Variants in SNRNP35 observed in about 807,000 individuals in gnomAD.
The protein encoded by SNRNP35 is U11/U12 small nuclear ribonucleoprotein 35 kDa protein.
SNRNP35 carries 16 observed loss-of-function variants against 24.3 expected under a neutral mutation model. The ratio of observed to expected loss-of-function variants is 0.66; its 90% CI spans 0.45 to 1.00. The LOEUF (loss-of-function observed/expected upper bound fraction) is 1.00, where lower values mean the gene tolerates loss of function less well. Among genes scored for constraint, SNRNP35 ranks in the 50% least tolerant of loss-of-function variants. SNRNP35 has a pLI of 0.00. For missense variants in SNRNP35, 292 were observed against 327.2 expected, an observed-to-expected ratio of 0.89 and a Z score of 0.83; for synonymous variants, 106 against 124.8, an observed-to-expected ratio of 0.85 and a Z score of 1.00.
rs115147659 is a variant in SNRNP35, at chr12:123,465,375, C to T, written c.-3-163C>T. ...AACTGCCTGGCTTTGGTGCTGTCTC[C>T]CCCACTTACTAGCAGGGAGGACTTA... On this transcript the variant is annotated intron_variant, in intron 1 of 1. Coordinates refer to ENST00000526639, the MANE Select transcript of SNRNP35 (RefSeq NM_022717.4). This position sits in a 1 kb window ranked among gnomAD's most constrained non-coding sequence, Gnocchi z 4.2. 5.7e-3 allele frequency among the ~76,000 whole-genome samples: 863 copies of T among 152,274 alleles called. 9 individuals are homozygous for T. The highest frequency in any genetic ancestry group is 0.02 in the African/African-American group (830 of 41,550).
chr12:123,458,736 C>CA (rs999069848), intron 1 of SNRNP35, among the ~76,000 whole-genome samples: 9 of 151,426 alleles, frequency 5.9e-5, no homozygotes, highest in Admixed American at 2.0e-4. Context: ...GCTGAGACTA[C>CA]AGGCGCCCGC....
chr12:123,458,640 G>C (rs1880422883), intron 1 of SNRNP35, among the ~76,000 whole-genome samples: 1 of 150,422 alleles, frequency 6.6e-6, no homozygotes, highest in African/African-American at 2.5e-5. Flanking sequence ...CTGTCGCCCG[G>C]GCTGGAGTGC....
rs759503354 is a variant in SNRNP35 at position 123,466,328 on chromosome 12, G to A, written c.*47G>A. 6 of 1,494,990 alleles carry A rather than the reference G, an allele frequency of 4.0e-6. No individual in the cohort carries two copies. Among genetic ancestry groups the A allele is most frequent in the Non-Finnish European group, 5.3e-6 (6 of 1,121,868 alleles). The allele number at this position is 1,494,990 out of a possible 1,614,324, so 92.6% of individuals were successfully genotyped here. A position where few individuals can be genotyped will look rare whatever the true frequency, so the allele number is the denominator to read the frequency against. On this transcript the variant is annotated 3_prime_UTR_variant, in exon 2 of 2. Coordinates refer to ENST00000526639, the MANE Select transcript of SNRNP35 (RefSeq NM_022717.4). ...AAGTGAAGTTACAGTGGAAATGAGT[G>A]GAGGGGGATTGTCTTTCAACGCAGC...
intron 1 of SNRNP35, among the ~76,000 whole-genome samples, chr12:123,460,556 A>C (rs1880549804): frequency 7.4e-6 from 1 of 134,960 alleles, no homozygotes; most frequent in Admixed American, 9.0e-5. Context: ...GCTCATGCCC[A>C]GGAGTTCAAG....
intron 1 of SNRNP35, among the ~76,000 whole-genome samples, chr12:123,462,472 G>A (rs1199911060): frequency 6.6e-6 from 1 of 151,622 alleles, no homozygotes; most frequent in Non-Finnish European, 1.5e-5. Context: ...GATGGGACAT[G>A]GTGAGAGGCT....
chr12:123,466,428 C>A lies in SNRNP35; in HGVS notation c.*147C>A, dbSNP rs748024914. Reference sequence around the variant, plus strand: ...TAGTTTTCTTTCCAATCTGGAACTTCGGTTCAAGCTGATAGGAATTTATCA... The same window carrying A: ...TAGTTTTCTTTCCAATCTGGAACTTAGGTTCAAGCTGATAGGAATTTATCA... On this transcript the variant is annotated 3_prime_UTR_variant, in exon 2 of 2. Transcript: ENST00000526639. 8.8e-6 allele frequency: 7 copies of A among 793,832 alleles called. No individual in the cohort carries two copies. The East Asian group carries it at 1.6e-4, about 18-fold the overall frequency. 49.2% of individuals were successfully genotyped at this position (793,832 alleles called of 1,614,324 possible).
intron 1 of SNRNP35, among the ~76,000 whole-genome samples, chr12:123,464,240 G>GTTT (rs1173653190): frequency 5.6e-5 from 7 of 123,960 alleles, no homozygotes; most frequent in Non-Finnish European, 8.6e-5. Flanking sequence ...GCCAGCCAAG[G>GTTT]TTTTTTTTTT....
chr12:123,463,366 T>G (rs1382913120), intron 1 of SNRNP35, among the ~76,000 whole-genome samples: 3 of 150,604 alleles, frequency 2.0e-5, no homozygotes, highest in African/African-American at 7.3e-5. Flanking sequence ...CAGGTCAAGT[T>G]TTTTTTTTTT....
intron 1 of SNRNP35, 93 bp downstream of exon 1, chr12:123,458,309 C>T: frequency 1.2e-6 from 1 of 863,940 alleles, no homozygotes; most frequent in Non-Finnish European, 1.4e-6. Flanking sequence ...TTGTGTGGGG[C>T]GCCATGTTGA....
In SNRNP35 at chr12:123,459,867, C is replaced by A. The variant is rs192298050; in HGVS notation, c.-4+1651C>A. The A allele has an allele frequency of 4.8e-4, 767 of 1,596,058 alleles. 5 individuals carry two copies. The Middle Eastern group carries it at 0.015, about 32-fold the overall frequency. On this transcript the variant is annotated intron_variant, in intron 1 of 1. Transcript: ENST00000526639. ...TAATGCTGCCGGGGAGGAAGTGCAC[C>A]TAGAAAGATTAATGAGAAACAATGA...
In SNRNP35 at chr12:123,459,852, G is replaced by A. The variant is rs751867620; in HGVS notation, c.-4+1636G>A. On this transcript the variant is annotated intron_variant, in intron 1 of 1. Coordinates refer to ENST00000526639, the MANE Select transcript of SNRNP35 (RefSeq NM_022717.4). ...TAGGAAATCTCAACCTAATGCTGCCGGGGAGGAAGTGCACCTAGAAAGATT... is the reference window on the plus strand; with the variant it reads ...TAGGAAATCTCAACCTAATGCTGCCAGGGAGGAAGTGCACCTAGAAAGATT... 8 of 1,592,724 alleles carry A rather than the reference G, an allele frequency of 5.0e-6. No homozygotes were observed. In the Admixed American group the frequency reaches 8.9e-5, roughly 18 times the overall value.
chr12:123,462,970 G>T (rs1220901237), intron 1 of SNRNP35, among the ~76,000 whole-genome samples: 3 of 152,090 alleles, frequency 2.0e-5, no homozygotes, highest in South Asian at 4.1e-4. Flanking sequence ...TGAGTAAGAG[G>T]AAAAAAGTTA....
intron 1 of SNRNP35, among the ~76,000 whole-genome samples, chr12:123,462,090 GC>G (rs964006975): frequency 3.3e-5 from 5 of 152,144 alleles, no homozygotes; most frequent in Non-Finnish European, 4.4e-5. Flanking sequence ...AGGATCTGGA[GC>G]CACCAGACTG....
exon 2 of SNRNP35, chr12:123,472,923 T>C (rs1426030558): frequency 4.2e-6 from 2 of 479,926 alleles, no homozygotes; most frequent in South Asian, 2.3e-5. Context: ...TGCATGCTGA[T>C]GTGATGTGTG....
chr12:123,466,344 T>C lies in SNRNP35; in HGVS notation c.*63T>C. On this transcript the variant is annotated 3_prime_UTR_variant, in exon 2 of 2. Transcript: ENST00000526639. The stretch of plus-strand genomic sequence containing the variant: ...GAAATGAGTGGAGGGGGATTGTCTT[T>C]CAACGCAGCGTGAGTCTAATGGTTG... The C allele has an allele frequency of 6.8e-7, 1 of 1,462,970 alleles. No homozygotes were observed. The highest frequency in any genetic ancestry group is 9.1e-7 in the Non-Finnish European group (1 of 1,093,920). The allele number at this position is 1,462,970 out of a possible 1,614,324, so 90.6% of individuals were successfully genotyped here. A position where few individuals can be genotyped will look rare whatever the true frequency, so the allele number is the denominator to read the frequency against.
At chr12:123,472,789 ATCAAT>A (rs1463637434) in exon 2 of SNRNP35, 8 of 1,238,588 alleles carry the variant, frequency 6.5e-6, no homozygotes, top group East Asian at 5.1e-5. Context: ...AAGGGAGCAA[ATCAAT>A]TCAAGGTGTG....
At chr12:123,464,163 C>T (rs1013295108) in intron 1 of SNRNP35, among the ~76,000 whole-genome samples, 3 of 151,364 alleles carry the variant, frequency 2.0e-5, no homozygotes, top group Non-Finnish European at 1.5e-5. Flanking sequence ...GAACTCCTGA[C>T]CTCAGGTGAT....
At chr12:123,468,358 CAAAAAAAAA>C (rs62816460), downstream of SNRNP35, among the ~76,000 whole-genome samples, 3 of 92,240 alleles carry the variant, frequency 3.3e-5, no homozygotes, top group African/African-American at 1.5e-4. Flanking sequence ...GACTCTGTCT[CAAAAAAAAA>C]AAAAAAAAGA....
intron 1 of SNRNP35, among the ~76,000 whole-genome samples, chr12:123,460,821 G>A (rs1880572574): frequency 1.3e-5 from 2 of 151,650 alleles, no homozygotes. Context: ...ACCATGCCTG[G>A]GTAATTTTGT....
Sources: allele counts gnomAD v4.1 joint callset (sites outside exome capture counted in the v4.1 genomes callset), GRCh38; gene constraint gnomAD v4.1.1; non-coding constraint Gnocchi (gnomAD v3.1); transcripts MANE v1.5; gene names NCBI Gene and HGNC (gene_info 2026-07-23, HGNC 2026-07-21).